Variants in TNN observed in about 807,000 individuals in gnomAD.
TNN encodes the protein tenascin-N.
TNN carries 122 observed loss-of-function variants against 134.4 expected under a neutral mutation model. That is an observed-to-expected ratio of 0.91 (90% CI 0.78 to 1.06). The LOEUF (loss-of-function observed/expected upper bound fraction) is 1.06. Among genes scored for constraint, TNN ranks in the 50% least tolerant of loss-of-function variants. The pLI is 0.00. For synonymous variants in TNN, 710 were observed against 670.3 expected (o/e 1.06, Z -0.91); for missense variants, 1,739 against 1,699.4 (o/e 1.02, Z -0.41).
At chr1:175,114,820 G>A (rs533861560) in intron 9 of TNN, among the ~76,000 whole-genome samples, 1 of 152,234 alleles carries the variant, frequency 6.6e-6, no homozygotes, top group African/African-American at 2.4e-5. Context: ...CACCAATAGA[G>A]CTCAGTGGCA....
rs935436253 is a variant in TNN, at chr1:175,077,729, G to A, written c.311G>A (p.Ser104Asn). Residue 104 changes from serine to asparagine, a missense_variant, in exon 2 of 19, where the codon AGT becomes AAT. Ser to Asn is a conservative substitution (Grantham distance 46). Transcript: ENST00000239462. ...CAGAAGGACTGCGAGTTGGCAGGCA[G>A]TGTCCAGGACCTCCTGGCCCGGGTG... The part of the protein sequence containing the change: ...TPQKDCELAG[S>N]VQDLLARVKK... 1.9e-6 allele frequency: 3 copies of A among 1,614,240 alleles called. No individual in the cohort carries two copies. In the Admixed American group the frequency reaches 5.0e-5, roughly 27 times the overall value.
chr1:175,083,851 C>A lies in TNN; in HGVS notation c.1150C>A (p.Arg384=), dbSNP rs141604924. 1.2e-6 allele frequency: 2 copies of A among 1,614,144 alleles called. No homozygotes were observed. The highest frequency in any genetic ancestry group is 1.7e-6 in the Non-Finnish European group (2 of 1,180,028). Residue 384 remains arginine, a synonymous_variant, in exon 5 of 19, where the codon CGA becomes AGA. Coordinates refer to ENST00000239462, the MANE Select transcript of TNN (RefSeq NM_022093.2). Reference sequence around the variant, plus strand: ...AACTGAGGTGGACTACTACAAGCTGCGATATGGCCCCATGACAGGACAGGA... The same window carrying A: ...AACTGAGGTGGACTACTACAAGCTGAGATATGGCCCCATGACAGGACAGGA... ...PSTEVDYYKL[R]YGPMTGQEVA...
At chr1:175,100,971 T>A (rs1390904870) in intron 9 of TNN, among the ~76,000 whole-genome samples, 1 of 152,208 alleles carries the variant, frequency 6.6e-6, no homozygotes, top group African/African-American at 2.4e-5. Context: ...AATCAGGATA[T>A]CCATCAGCTC....
At chr1:175,070,079 C>T (rs1338104252) in intron 1 of TNN, among the ~76,000 whole-genome samples, 1 of 152,076 alleles carries the variant, frequency 6.6e-6, no homozygotes, top group Non-Finnish European at 1.5e-5. Flanking sequence ...AATTTAGGTC[C>T]CGTGTCTATT....
intron 4 of TNN, among the ~76,000 whole-genome samples, chr1:175,080,712 T>C (rs922841783): frequency 3.3e-5 from 5 of 152,134 alleles, no homozygotes; most frequent in African/African-American, 9.7e-5. Flanking sequence ...AGTGTAGACA[T>C]GAATCCCCAG....
intron 12 of TNN, among the ~76,000 whole-genome samples, chr1:175,126,550 G>C (rs1393746871): frequency 6.6e-6 from 1 of 152,138 alleles, no homozygotes; most frequent in African/African-American, 2.4e-5. Context: ...CTTTCCAGGC[G>C]GGCCAAGTCA....
intron 5 of TNN, among the ~76,000 whole-genome samples, chr1:175,084,514 G>A (rs1299620810): frequency 1.3e-5 from 2 of 152,202 alleles, no homozygotes; most frequent in East Asian, 1.9e-4. Context: ...CTTGAAGTCT[G>A]TACAATTCCA....
Position 175,147,149 on chromosome 1 carries a change from G to A in TNN, c.*78G>A. ...GGCGGGGTGGGTAGTGGTCACTGCG[G>A]TCTGGGAGTGCTCAGATAGCCCGCA... On this transcript the variant is annotated 3_prime_UTR_variant, in exon 19 of 19. Coordinates refer to ENST00000239462, the MANE Select transcript of TNN (RefSeq NM_022093.2). 1 of 1,331,864 alleles carries A rather than the reference G, an allele frequency of 7.5e-7. No homozygotes were observed. The highest frequency in any genetic ancestry group is 9.9e-7 in the Non-Finnish European group (1 of 1,011,142). 82.5% of individuals were successfully genotyped at this position (1,331,864 alleles called of 1,614,324 possible).
At chr1:175,127,204 T>C in intron 13 of TNN, 119 bp downstream of exon 13, 1 of 1,234,544 alleles carries the variant, frequency 8.1e-7, no homozygotes, top group Non-Finnish European at 1.1e-6. Context: ...CTGATCACAT[T>C]GCTGGTTGTA....
chr1:175,122,345 A>G (rs1472226314), intron 11 of TNN, among the ~76,000 whole-genome samples: 1 of 152,210 alleles, frequency 6.6e-6, no homozygotes, highest in African/African-American at 2.4e-5. Flanking sequence ...CTATGATGGC[A>G]CCACTGCTCT....
At position 175,079,716 on chromosome 1, in the gene TNN, G is replaced by A. The variant is rs150201755; in HGVS notation, c.784+9G>A. ...CCTGGACTGTGCCCAGGGTGAGAGCGGAGATGTGCCCTCGGGCCGCCGGAC... is the reference window on the plus strand; with the variant it reads ...CCTGGACTGTGCCCAGGGTGAGAGCAGAGATGTGCCCTCGGGCCGCCGGAC... On this transcript the variant is annotated intron_variant, in intron 3 of 18. Coordinates refer to ENST00000239462, the MANE Select transcript of TNN (RefSeq NM_022093.2). 107 of 1,572,612 alleles carry A rather than the reference G, an allele frequency of 6.8e-5. 1 individual carries two copies. The highest frequency in any genetic ancestry group is 2.6e-4 in the African/African-American group (19 of 74,078).
intron 6 of TNN, among the ~76,000 whole-genome samples, chr1:175,093,389 T>C (rs542216457): frequency 6.6e-6 from 1 of 152,342 alleles, no homozygotes; most frequent in African/African-American, 2.4e-5. Flanking sequence ...AAGCTCCACA[T>C]TGGTGGGGAT....
At chr1:175,129,216 TA>T (rs1180755253) in intron 15 of TNN, among the ~76,000 whole-genome samples, 1 of 152,198 alleles carries the variant, frequency 6.6e-6, no homozygotes, top group African/African-American at 2.4e-5. Context: ...GAATCAATAT[TA>T]TTATATTTAA....
intron 15 of TNN, among the ~76,000 whole-genome samples, chr1:175,130,602 C>T (rs1004137543): frequency 2.7e-4 from 39 of 144,458 alleles, no homozygotes; most frequent in African/African-American, 9.2e-4. Flanking sequence ...GTAAGCCAAG[C>T]TCCCACACAG....
In TNN at chr1:175,104,386, C is replaced by G. The variant is rs1216525816; in HGVS notation, c.2119+5791C>G. 1.4e-5 allele frequency among the ~76,000 whole-genome samples: 2 copies of G among 145,896 alleles called. 1 individual carries two copies. The highest frequency in any genetic ancestry group is 4.6e-4 in the East Asian group (2 of 4,354). ...GGTTGGGGGCTTCTAACCCAGGGAA[C>G]CTTCATCCTCTGGGGCAGTGCACCT... is the stretch of plus-strand genomic sequence containing the variant. On this transcript the variant is annotated intron_variant, in intron 9 of 18. Transcript: ENST00000239462.
chr1:175,118,406 G>T (rs1357691130), intron 10 of TNN, among the ~76,000 whole-genome samples, 155 bp from the exon 11 acceptor site: 9 of 152,178 alleles, frequency 5.9e-5, no homozygotes, highest in Non-Finnish European at 1.2e-4. Flanking sequence ...TGGGGGAGAA[G>T]ATGATGTCCA....
intron 6 of TNN, among the ~76,000 whole-genome samples, chr1:175,086,119 A>T (rs935133494): frequency 6.6e-6 from 1 of 152,176 alleles, no homozygotes; most frequent in African/African-American, 2.4e-5. Context: ...TATCTAGGAC[A>T]TAGGCACATA....
chr1:175,141,636 G>A lies in TNN; in HGVS notation c.3596-2751G>A, dbSNP rs56845967. ...TGTCTGTGTGTGACTGACAGGGGATGCGATGTTAATGGCTTCTCCTGATCT... is the reference window on the plus strand; with the variant it reads ...TGTCTGTGTGTGACTGACAGGGGATACGATGTTAATGGCTTCTCCTGATCT... On this transcript the variant is annotated intron_variant, in intron 17 of 18. Transcript: ENST00000239462. 4.0e-3 allele frequency among the ~76,000 whole-genome samples: 607 copies of A among 152,324 alleles called. 6 individuals are homozygous for A. Among genetic ancestry groups the A allele is most frequent in the African/African-American group, 0.014 (583 of 41,564 alleles).
intron 15 of TNN, 121 bp downstream of exon 15, chr1:175,128,867 G>T: frequency 8.7e-7 from 1 of 1,149,616 alleles, no homozygotes. Flanking sequence ...ATGGAAGAGA[G>T]GAGTTTTGGT....
Sources: allele counts gnomAD v4.1 joint callset (sites outside exome capture counted in the v4.1 genomes callset), GRCh38; gene constraint gnomAD v4.1.1; transcripts MANE v1.5; gene names NCBI Gene and HGNC (gene_info 2026-07-23, HGNC 2026-07-21).